The following ATP6V0A1 variants were observed in gnomAD, a reference collection of about 807,000 sequenced individuals.
ATP6V0A1 encodes the protein ATPase H+ transporting V0 subunit a1.
ATP6V0A1 carries 43 observed loss-of-function variants against 105.4 expected under a neutral mutation model. The observed-to-expected ratio is 0.41, with a 90% CI of 0.32 to 0.53. The LOEUF is 0.53. Ranked by LOEUF, ATP6V0A1 falls within the 20% of genes least tolerant of loss-of-function variation. The probability of loss-of-function intolerance (pLI) is 0.30; values close to 1 mark genes in which losing one functional copy is unlikely to be tolerated. For synonymous variants in ATP6V0A1, 362 were observed against 372.8 expected (o/e 0.97, Z 0.33); for missense variants, 676 against 1,051.1 (o/e 0.64, Z 4.93).
intron 21 of ATP6V0A1, among the ~76,000 whole-genome samples, chr17:42,514,923 A>G (rs2092541832): frequency 6.6e-6 from 1 of 151,976 alleles, no homozygotes; most frequent in Admixed American, 6.6e-5. Context: ...GGGGTCTTTG[A>G]GTTGGACCCC....
intron 5 of ATP6V0A1, among the ~76,000 whole-genome samples, chr17:42,473,711 C>A (rs1420291773): frequency 6.6e-6 from 1 of 152,064 alleles, no homozygotes; most frequent in Non-Finnish European, 1.5e-5. Flanking sequence ...AGAATGAGAG[C>A]CAGCTTCCTA....
At chr17:42,494,055 C>A (rs2090922975) in intron 11 of ATP6V0A1, among the ~76,000 whole-genome samples, 1 of 152,004 alleles carries the variant, frequency 6.6e-6, no homozygotes, top group Non-Finnish European at 1.5e-5. Flanking sequence ...CCAGCCTGGG[C>A]AACATGGTGA....
In ATP6V0A1 at chr17:42,521,023, C is replaced by T; in HGVS notation, c.2421-4C>T. The T allele has an allele frequency of 6.3e-7, 1 of 1,591,988 alleles. No homozygotes were observed. The highest frequency in any genetic ancestry group is 8.6e-7 in the Non-Finnish European group (1 of 1,169,136). ...ATGACAGCTTTCTTCTTCTCTTTCTCCAGGGTTGAGTTCCAGAATAAATTC... is the reference window on the plus strand; with the variant it reads ...ATGACAGCTTTCTTCTTCTCTTTCTTCAGGGTTGAGTTCCAGAATAAATTC... On this transcript the variant is annotated splice_polypyrimidine_tract_variant and splice_region_variant and intron_variant, in intron 21 of 21. Coordinates refer to ENST00000343619, the MANE Select transcript of ATP6V0A1 (RefSeq NM_001130021.3). The surrounding 1 kb of genome is among the most constrained non-coding windows in gnomAD (Gnocchi z 4.8).
chr17:42,482,558 T>C (rs1026307989), intron 8 of ATP6V0A1, among the ~76,000 whole-genome samples: 3 of 152,120 alleles, frequency 2.0e-5, no homozygotes, highest in African/African-American at 7.2e-5. Context: ...AATGTCAAGA[T>C]AGTTCGGATG....
chr17:42,483,169 T>A (rs775357466), intron 9 of ATP6V0A1, 38 bp downstream of exon 9: 10 of 1,394,806 alleles, frequency 7.2e-6, no homozygotes, highest in South Asian at 1.6e-5. Flanking sequence ...TTTTGTGAAA[T>A]ACTGGAATAC....
chr17:42,479,986 C>G (rs1192257094), intron 7 of ATP6V0A1, among the ~76,000 whole-genome samples: 1 of 152,214 alleles, frequency 6.6e-6, no homozygotes, highest in Admixed American at 6.5e-5. Context: ...ATTTTCTTCA[C>G]TCCTCATCCC....
chr17:42,508,456 C>A, intron 18 of ATP6V0A1, 116 bp from the exon 19 acceptor site: 1 of 1,349,618 alleles, frequency 7.4e-7, no homozygotes, highest in Non-Finnish European at 1.1e-6. Flanking sequence ...CTCCAACGTG[C>A]TAGCCCATTT....
chr17:42,470,272 G>A, intron 5 of ATP6V0A1, 54 bp downstream of exon 5: 1 of 1,584,086 alleles, frequency 6.3e-7, no homozygotes, highest in African/African-American at 1.3e-5. Context: ...ACTCACACAA[G>A]TGGGCCATAT....
intron 5 of ATP6V0A1, among the ~76,000 whole-genome samples, chr17:42,471,608 C>G (rs766136103): frequency 6.6e-6 from 1 of 151,926 alleles, no homozygotes; most frequent in South Asian, 2.1e-4. Context: ...GTGGTGCACA[C>G]CTGTAGTTCC....
In ATP6V0A1 at chr17:42,470,108, G is replaced by T; in HGVS notation, c.313G>T (p.Glu105Ter). ...IDLEANFEKI[E>*]NELKEINTNQ... The stretch of plus-strand genomic sequence containing the variant: ...CATCTAGGCCAATTTTGAGAAGATT[G>T]AAAATGAACTGAAGGAAATCAACAC... Residue 105 changes from glutamate (E) to a stop codon, truncating the protein, a stop_gained, in exon 5 of 22, where the codon GAA (glutamate) becomes TAA (stop). Coordinates refer to ENST00000343619, the MANE Select transcript of ATP6V0A1 (RefSeq NM_001130021.3). LOFTEE classifies it high-confidence loss of function. The T allele has an allele frequency of 6.2e-7, 1 of 1,606,952 alleles. No individual in the cohort carries two copies. Among genetic ancestry groups the T allele is most frequent in the Non-Finnish European group, 8.5e-7 (1 of 1,175,862 alleles).
At chr17:42,485,684 G>A (rs1244605836) in intron 9 of ATP6V0A1, among the ~76,000 whole-genome samples, 1 of 152,092 alleles carries the variant, frequency 6.6e-6, no homozygotes, top group Non-Finnish European at 1.5e-5. Flanking sequence ...CCAAGTAGCT[G>A]GGACTACAGG....
chr17:42,466,627 G>C, intron 3 of ATP6V0A1, 120 bp downstream of exon 3: 1 of 835,460 alleles, frequency 1.2e-6, no homozygotes, highest in Non-Finnish European at 1.9e-6. Flanking sequence ...AAATCTTGCA[G>C]TTAAGATGCC....
At chr17:42,471,076 TTGCTCCAC>T (rs1275917847) in intron 5 of ATP6V0A1, 2 of 150,902 alleles carry the variant, frequency 1.3e-5, no homozygotes, top group Non-Finnish European at 2.9e-5. Context: ...TGAGCTGAGA[TTGCTCCAC>T]TGCACTCCAG....
chr17:42,484,636 C>T (rs1202364616), intron 9 of ATP6V0A1, among the ~76,000 whole-genome samples: 3 of 152,110 alleles, frequency 2.0e-5, no homozygotes, highest in African/African-American at 4.8e-5. Context: ...ACGGTTATCA[C>T]AGGGCTCTGA....
intron 6 of ATP6V0A1, 40 bp from the exon 7 acceptor site, chr17:42,478,423 A>G: frequency 6.8e-7 from 1 of 1,477,142 alleles, no homozygotes; most frequent in Non-Finnish European, 9.1e-7. Context: ...CCATCCCATG[A>G]CATGGAATAG....
Position 42,498,951 on chromosome 17 carries a change from A to T in ATP6V0A1, c.1588A>T (p.Thr530Ser). Residue 530 changes from threonine (T) to serine (S), a missense_variant, in exon 15 of 22, where the codon ACG becomes TCG. This residue lies in a region of ATP6V0A1 where 435 missense variants were observed against 642.2 expected (regional missense o/e 0.68). Coordinates refer to ENST00000343619, the MANE Select transcript of ATP6V0A1 (RefSeq NM_001130021.3). Reference protein sequence around the residue: ...PIWNIATNKLTFLNSFKMKMS... With the variant: ...PIWNIATNKLSFLNSFKMKMS... ...TTGGAACATTGCTACCAATAAACTG[A>T]CGTTCTTGAACTCCTTTAAGATGAA... 1 of 1,612,918 alleles carries T rather than the reference A, an allele frequency of 6.2e-7. No individual in the cohort carries two copies. Among genetic ancestry groups the T allele is most frequent in the Non-Finnish European group, 8.5e-7 (1 of 1,179,004 alleles).
At chr17:42,492,979 C>G (rs965615860) in intron 11 of ATP6V0A1, among the ~76,000 whole-genome samples, 3 of 151,780 alleles carry the variant, frequency 2.0e-5, no homozygotes, top group African/African-American at 7.3e-5. Context: ...AATTGTGCCA[C>G]TGCACTCCAG....
chr17:42,482,916 A>AAAT, intron 8 of ATP6V0A1, 122 bp from the exon 9 acceptor site: 1 of 433,908 alleles, frequency 2.3e-6, no homozygotes, highest in Non-Finnish European at 3.6e-6. Flanking sequence ...AAAAAAAAAA[A>AAAT]GTGTTGACTT....
intron 3 of ATP6V0A1, 107 bp downstream of exon 3, chr17:42,466,614 G>A: frequency 2.0e-6 from 2 of 1,010,860 alleles, no homozygotes; most frequent in Non-Finnish European, 2.9e-6. Context: ...AGAGAAAAGG[G>A]AAAAATCTTG....
Sources: gnomAD v4.1 joint callset for allele counts (sites outside exome capture counted in the v4.1 genomes callset) on GRCh38, gnomAD v4.1.1 for gene constraint, gnomAD v4.1.1 regional missense constraint, Gnocchi (gnomAD v3.1) non-coding constraint, MANE v1.5 for transcripts, NCBI Gene and HGNC (gene_info 2026-07-23, HGNC 2026-07-21) for gene names.